Variants in TBC1D19 observed in about 807,000 individuals in gnomAD.
TBC1D19 encodes the protein TBC1 domain family, member 19.
In TBC1D19, 60 loss-of-function variants were observed where a neutral mutation model predicts 89.0. The observed-to-expected ratio is 0.67, with a 90% CI of 0.55 to 0.84. The LOEUF (loss-of-function observed/expected upper bound fraction) is 0.84, where lower values mean the gene tolerates loss of function less well. Ranked by LOEUF, TBC1D19 falls within the 40% of genes least tolerant of loss-of-function variation. The probability of loss-of-function intolerance (pLI) is 0.00; values close to 1 mark genes in which losing one functional copy is unlikely to be tolerated. For missense variants in TBC1D19, 500 were observed against 610.8 expected (o/e 0.82, Z 1.91); for synonymous variants, 189 against 199.7 (o/e 0.95, Z 0.45).
chr4:26,762,235 G>C, the TBC1D19 span, among the ~76,000 whole-genome samples: 2 of 152,154 alleles, frequency 1.3e-5, no homozygotes, highest in African/African-American at 2.4e-5. Flanking sequence ...TAAGTTTTAT[G>C]TTGCTGATCA....
chr4:26,781,745 A>G, the TBC1D19 span, among the ~76,000 whole-genome samples: 1 of 152,106 alleles, frequency 6.6e-6, no homozygotes, highest in Non-Finnish European at 1.5e-5. Context: ...ACTTCTACTT[A>G]GGTTTCCTTT....
At chr4:26,836,466 G>C in the TBC1D19 span, among the ~76,000 whole-genome samples, 5 of 152,198 alleles carry the variant, frequency 3.3e-5, no homozygotes, top group Admixed American at 2.6e-4. Flanking sequence ...GGAATATGTA[G>C]TGTTTGTACT....
chr4:26,808,169 C>G, the TBC1D19 span, among the ~76,000 whole-genome samples: 1 of 152,176 alleles, frequency 6.6e-6, no homozygotes, highest in South Asian at 2.1e-4. Flanking sequence ...CTAAAAATAA[C>G]AAGCATGGGT....
chr4:26,853,704 A>C, the TBC1D19 span, among the ~76,000 whole-genome samples: 1 of 152,016 alleles, frequency 6.6e-6, no homozygotes, highest in Non-Finnish European at 1.5e-5. Context: ...TGCCTGGCTA[A>C]TTTTTGTATT....
At chr4:26,786,773 A>ATGGG in the TBC1D19 span, among the ~76,000 whole-genome samples, 1 of 148,234 alleles carries the variant, frequency 6.7e-6, no homozygotes, top group Admixed American at 6.8e-5. Context: ...GGATGGATGG[A>ATGGG]TGGATGGATG....
At chr4:26,833,511 C>T in the TBC1D19 span, among the ~76,000 whole-genome samples, 7 of 152,232 alleles carry the variant, frequency 4.6e-5, no homozygotes, top group Middle Eastern at 3.4e-3. Context: ...TTTGTCTTTT[C>T]CAGAATGTCA....
chr4:26,615,995 A>G (rs551528677), intron 3 of TBC1D19, among the ~76,000 whole-genome samples: 6 of 152,138 alleles, frequency 3.9e-5, no homozygotes, highest in African/African-American at 1.2e-4. Flanking sequence ...ATTCATTATC[A>G]TATTGTTGGC....
At chr4:26,779,019 C>T in the TBC1D19 span, among the ~76,000 whole-genome samples, 3 of 152,134 alleles carry the variant, frequency 2.0e-5, no homozygotes, top group Non-Finnish European at 4.4e-5. Flanking sequence ...CAAAGTATAG[C>T]CATGTTTGGG....
chr4:26,828,784 A>G, the TBC1D19 span, among the ~76,000 whole-genome samples: 6 of 152,208 alleles, frequency 3.9e-5, no homozygotes, highest in African/African-American at 1.4e-4. Context: ...AACAAATACA[A>G]AGGACTTAGC....
At chr4:26,834,531 G>A in the TBC1D19 span, among the ~76,000 whole-genome samples, 1 of 152,064 alleles carries the variant, frequency 6.6e-6, no homozygotes, top group Admixed American at 6.5e-5. Context: ...TCGTCAATCT[G>A]GGCTGGTGGC....
chr4:26,733,906 T>C (rs927271478), intron 15 of TBC1D19, among the ~76,000 whole-genome samples: 1 of 152,150 alleles, frequency 6.6e-6, no homozygotes, highest in Non-Finnish European at 1.5e-5. Flanking sequence ...CTTTAAGGAC[T>C]GCAGTGAACT....
At chr4:26,689,686 G>A (rs538740114) in intron 13 of TBC1D19, among the ~76,000 whole-genome samples, 128 of 152,064 alleles carry the variant, frequency 8.4e-4, no homozygotes, top group Middle Eastern at 3.4e-3. Context: ...AATTATTTTG[G>A]AATGCCACAA....
chr4:26,683,828 C>A, intron 12 of TBC1D19, 79 bp downstream of exon 12: 1 of 1,154,940 alleles, frequency 8.7e-7, no homozygotes. Context: ...AGAGCCTGTG[C>A]TATGTATGAT....
At chr4:26,808,775 A>AGGGACCTC in the TBC1D19 span, among the ~76,000 whole-genome samples, 1 of 151,812 alleles carries the variant, frequency 6.6e-6, no homozygotes, top group South Asian at 2.1e-4. Context: ...TGTAGCTAAG[A>AGGGACCTC]GGGACCTCTA....
chr4:26,811,712 T>C, the TBC1D19 span, among the ~76,000 whole-genome samples: 1 of 152,240 alleles, frequency 6.6e-6, no homozygotes, highest in Non-Finnish European at 1.5e-5. Flanking sequence ...GATGATATGC[T>C]AAACAAGGAG....
At chr4:26,791,253 C>T in the TBC1D19 span, among the ~76,000 whole-genome samples, 3 of 152,164 alleles carry the variant, frequency 2.0e-5, no homozygotes, top group East Asian at 1.9e-4. Flanking sequence ...ATAAACAGCA[C>T]CATTCATCCT....
chr4:26,694,033 C>T (rs989645912), intron 13 of TBC1D19, among the ~76,000 whole-genome samples: 1 of 152,080 alleles, frequency 6.6e-6, no homozygotes, highest in East Asian at 1.9e-4. Context: ...CTCACTGGGG[C>T]TCGTCGAACA....
the TBC1D19 span, among the ~76,000 whole-genome samples, chr4:26,773,120 A>T: frequency 6.6e-6 from 1 of 152,158 alleles, no homozygotes; most frequent in African/African-American, 2.4e-5. Flanking sequence ...CAACCTCACC[A>T]GCATCAGTTG....
chr4:26,603,562 G>A lies in TBC1D19; in HGVS notation c.100-9607G>A, dbSNP rs115590450. Reference sequence around the variant, plus strand: ...TTTTTCCAGTTACATATATGTATGAGGGTGGATTTTTTTCATGGACAACAA... The same window carrying A: ...TTTTTCCAGTTACATATATGTATGAAGGTGGATTTTTTTCATGGACAACAA... On this transcript the variant is annotated intron_variant, in intron 1 of 20. Coordinates refer to ENST00000264866, the MANE Select transcript of TBC1D19 (RefSeq NM_018317.4). Among the ~76,000 whole-genome samples the A allele has an allele frequency of 3.8e-3, 580 of 152,186 alleles. 2 individuals carry two copies. Among genetic ancestry groups the A allele is most frequent in the African/African-American group, 0.013 (556 of 41,516 alleles).
Sources: gnomAD v4.1 joint callset for allele counts (sites outside exome capture counted in the v4.1 genomes callset) on GRCh38, gnomAD v4.1.1 for gene constraint, MANE v1.5 for transcripts, NCBI Gene and HGNC (gene_info 2026-07-23, HGNC 2026-07-21) for gene names.